OR7C1: variants seen among roughly 807,000 people sequenced by gnomAD.
OR7C1 encodes the protein olfactory receptor 7C1.
For synonymous variants in OR7C1, 152 were observed against 160.7 expected (o/e 0.95, Z 0.41); for missense variants, 324 against 383.3 (o/e 0.85, Z 1.29).
chr19:14,805,703 C>T (rs1222172497), intron 2 of OR7C1, among the ~76,000 whole-genome samples: 1 of 151,904 alleles, frequency 6.6e-6, no homozygotes, highest in East Asian at 1.9e-4. Context: ...GCGTGAGCCA[C>T]CATGCCCGGC....
rs1289152594 is a variant in OR7C1, at chr19:14,827,236, G to C, written c.-623+7838C>G. 5 of 1,488,762 alleles carry C rather than the reference G, an allele frequency of 3.4e-6. No individual in the cohort carries two copies. The African/African-American group carries it at 7.0e-5, about 21-fold the overall frequency. 92.2% of individuals were successfully genotyped at this position (1,488,762 alleles called of 1,614,324 possible). A position where few individuals can be genotyped will look rare whatever the true frequency, so the allele number is the denominator to read the frequency against. On this transcript the variant is annotated intron_variant, in intron 1 of 4. Coordinates refer to ENST00000641666, the Ensembl canonical transcript of OR7C1. The stretch of plus-strand genomic sequence containing the variant: ...GGAGCAAGTTCTATTTCCACTATCT[G>C]ATTGAAGAATGACAGTTACTACCTC...
At chr19:14,816,711 A>G (rs2044717934) in intron 1 of OR7C1, among the ~76,000 whole-genome samples, 1 of 152,222 alleles carries the variant, frequency 6.6e-6, no homozygotes. Flanking sequence ...AATGTGAGTC[A>G]ATACTCCTTA....
chr19:14,812,406 T>G (rs1238871908), intron 1 of OR7C1, among the ~76,000 whole-genome samples: 1 of 152,216 alleles, frequency 6.6e-6, no homozygotes, highest in African/African-American at 2.4e-5. Context: ...ACTCATGACT[T>G]AGAAACCGAT....
chr19:14,821,740 C>G (rs76270474), intron 1 of OR7C1, among the ~76,000 whole-genome samples: 2 of 152,198 alleles, frequency 1.3e-5, no homozygotes, highest in Non-Finnish European at 2.9e-5. Context: ...ATCTTACGTA[C>G]CATAGCACAA....
chr19:14,818,590 G>C (rs2044727415), intron 1 of OR7C1, among the ~76,000 whole-genome samples: 1 of 152,114 alleles, frequency 6.6e-6, no homozygotes, highest in South Asian at 2.1e-4. Context: ...CGAGATCTTT[G>C]CTTTTGTATA....
At chr19:14,828,333 T>G (rs1479587081) in intron 1 of OR7C1, 1 of 1,331,670 alleles carries the variant, frequency 7.5e-7, no homozygotes, top group African/African-American at 1.5e-5. Flanking sequence ...TCATTTATAT[T>G]TTATAGCCAA....
At chr19:14,829,189 T>G (rs8101893) in intron 1 of OR7C1, among the ~76,000 whole-genome samples, 1 of 151,948 alleles carries the variant, frequency 6.6e-6, no homozygotes, top group Non-Finnish European at 1.5e-5. Flanking sequence ...TACAAAAACT[T>G]TGAGGGATGT....
chr19:14,814,733 G>C (rs991780279), intron 1 of OR7C1, among the ~76,000 whole-genome samples: 6 of 152,086 alleles, frequency 3.9e-5, no homozygotes, highest in Admixed American at 1.3e-4. Flanking sequence ...CCGGGAAAAT[G>C]CTCCTTAACT....
chr19:14,800,475 A>T (rs1368296167), intron 3 of OR7C1, 31 bp from the exon 4 acceptor site: 4 of 237,832 alleles, frequency 1.7e-5, no homozygotes, highest in Non-Finnish European at 2.4e-5. Flanking sequence ...TTTTAACAAT[A>T]TCACCAAGGG....
At chr19:14,819,261 A>G (rs1280965980) in intron 1 of OR7C1, among the ~76,000 whole-genome samples, 2 of 152,082 alleles carry the variant, frequency 1.3e-5, no homozygotes, top group South Asian at 2.1e-4. Flanking sequence ...CCATCAACCC[A>G]TCACCTAGGT....
At chr19:14,821,525 G>T (rs188042526) in intron 1 of OR7C1, 4 of 152,230 alleles carry the variant, frequency 2.6e-5, no homozygotes, top group Admixed American at 2.6e-4. Flanking sequence ...AAACTATTCC[G>T]CCTTTACTGC....
intron 2 of OR7C1, among the ~76,000 whole-genome samples, chr19:14,802,339 G>T (rs1467599942): frequency 6.6e-6 from 1 of 152,084 alleles, no homozygotes; most frequent in Admixed American, 6.6e-5. Context: ...GGGCGACATG[G>T]TGAAACCCCG....
chr19:14,806,225 A>G (rs2044666149), intron 2 of OR7C1, among the ~76,000 whole-genome samples: 1 of 151,870 alleles, frequency 6.6e-6, no homozygotes, highest in Non-Finnish European at 1.5e-5. Flanking sequence ...TCTTTAGCCT[A>G]CATTAAGGAA....
intron 1 of OR7C1, among the ~76,000 whole-genome samples, chr19:14,833,068 A>G (rs748068239): frequency 1.3e-5 from 2 of 152,234 alleles, no homozygotes; most frequent in African/African-American, 4.8e-5. Context: ...TTGTATTTCA[A>G]TTTAGTTAGA....
At chr19:14,822,406 A>C (rs1273024219) in intron 1 of OR7C1, among the ~76,000 whole-genome samples, 6 of 60,038 alleles carry the variant, frequency 1.0e-4, no homozygotes, top group Admixed American at 2.6e-4. Context: ...TTTTTTTGAG[A>C]TGGAGTCTCG....
At chr19:14,818,062 TTTTATTTATTTATTTA>T (rs372783648) in intron 1 of OR7C1, among the ~76,000 whole-genome samples, 12 of 139,464 alleles carry the variant, frequency 8.6e-5, no homozygotes, top group South Asian at 2.3e-4. Context: ...ATTTTATTTA[TTTTATTTATTTATTTA>T]TTTATTTATT....
intron 1 of OR7C1, among the ~76,000 whole-genome samples, chr19:14,814,819 G>A (rs778844425): frequency 1.3e-5 from 2 of 152,092 alleles, no homozygotes; most frequent in Admixed American, 6.6e-5. Flanking sequence ...CGGGACGAGA[G>A]GTCAAACACA....
At chr19:14,828,046 G>A in intron 1 of OR7C1, 4 of 1,614,214 alleles carry the variant, frequency 2.5e-6, no homozygotes, top group Non-Finnish European at 3.4e-6. Context: ...GCAAAGGACA[G>A]GTTGGAGAGG....
At chr19:14,826,150 C>T (rs879919006) in intron 1 of OR7C1, 9 of 152,048 alleles carry the variant, frequency 5.9e-5, no homozygotes, top group African/African-American at 1.7e-4. Context: ...AGAGACATAA[C>T]GGGATAAGTT....
Sources: gnomAD v4.1 joint callset for allele counts (sites outside exome capture counted in the v4.1 genomes callset) on GRCh38, gnomAD v4.1.1 for gene constraint, MANE v1.5 for transcripts, NCBI Gene and HGNC (gene_info 2026-07-23, HGNC 2026-07-21) for gene names.